Variants in PYGB observed in about 807,000 individuals in gnomAD.
PYGB encodes the protein glycogen phosphorylase B.
Under a neutral mutation model 94.3 loss-of-function variants are expected in PYGB, and 82 were observed. That is an observed-to-expected ratio of 0.87 (90% CI 0.73 to 1.04). The LOEUF is 1.04. PYGB is among the 50% of genes least tolerant of loss of function. The pLI is 0.00. For missense variants in PYGB, 1,132 were observed against 1,158.2 expected (o/e 0.98, Z 0.33); for synonymous variants, 488 against 479.1 (o/e 1.02, Z -0.24).
chr20:25,279,695 A>G (rs1405588018), intron 9 of PYGB, among the ~76,000 whole-genome samples: 1 of 150,942 alleles, frequency 6.6e-6, no homozygotes, highest in Non-Finnish European at 1.5e-5. Context: ...CCCCACCTCT[A>G]AAAAAAAAGC....
rs768862543 is a variant in PYGB at position 25,282,064 on chromosome 20, A to G, written c.1435A>G (p.Lys479Glu). ...FKDFYELEPE[K>E]FQNKTNGITP... ...GGATTTTTATGAACTGGAGCCAGAG[A>G]AGTTCCAGAATAAGACCAATGGCAT... The change falls in exon 12 of 20, where the codon AAG becomes GAG. Residue 479 changes from lysine to glutamate, a missense_variant. Physicochemically the swap from Lys to Glu is moderately conservative, Grantham distance 56. Transcript: ENST00000216962. The G allele has an allele frequency of 1.9e-6, 3 of 1,613,954 alleles. No homozygotes were observed. Among genetic ancestry groups the G allele is most frequent in the East Asian group, 2.2e-5 (1 of 44,860 alleles).
At position 25,296,904 on chromosome 20, in the gene PYGB, G is replaced by A. The variant is rs2088555763; in HGVS notation, c.*382G>A. ...TGAGCCTCTGGATTCTGGGGTCTGG[G>A]CCAGTGGCCATAGTGAAGCCTGGGA... is the stretch of plus-strand genomic sequence containing the variant. On this transcript the variant is annotated 3_prime_UTR_variant, in exon 20 of 20. Coordinates refer to ENST00000216962, the MANE Select transcript of PYGB (RefSeq NM_002862.4). 1.1e-5 allele frequency: 2 copies of A among 187,074 alleles called. No homozygotes were observed. Among genetic ancestry groups the A allele is most frequent in the Non-Finnish European group, 1.1e-5 (1 of 89,648 alleles). The allele number at this position is 187,074 out of a possible 1,614,324, so 11.6% of individuals were successfully genotyped here. A position where few individuals can be genotyped will look rare whatever the true frequency, so the allele number is the denominator to read the frequency against.
intron 16 of PYGB, 103 bp from the exon 17 acceptor site, chr20:25,292,303 G>A (rs1240411153): frequency 1.0e-5 from 14 of 1,385,104 alleles, no homozygotes; most frequent in South Asian, 7.7e-5. Context: ...GTCCCTCCAC[G>A]ACCCAGCCCC....
chr20:25,281,961 A>C, intron 11 of PYGB, 72 bp from the exon 12 acceptor site: 1 of 1,303,626 alleles, frequency 7.7e-7, no homozygotes, highest in Non-Finnish European at 1.1e-6. Context: ...CCTTAAAAGG[A>C]CTTTAAGGTC....
At chr20:25,269,096 A>G in intron 2 of PYGB, 33 bp from the exon 3 acceptor site, 1 of 1,507,206 alleles carries the variant, frequency 6.6e-7, no homozygotes, top group South Asian at 1.1e-5. Flanking sequence ...ATATTGAGTA[A>G]CATTAAAATG....
At position 25,288,494 on chromosome 20, in the gene PYGB, TC is replaced by T. The variant is rs767486466; in HGVS notation, c.1827+13del. On this transcript the variant is annotated intron_variant, in intron 15 of 19. Transcript: ENST00000216962. ...ATGATTGGGGGCAAGGTGAGTGACT[TC>T]CTCTGCAGTCCTCTCTGTGGTGTTT... 6 of 1,613,386 alleles carry T rather than the reference TC, an allele frequency of 3.7e-6. No individual in the cohort carries two copies. The highest frequency in any genetic ancestry group is 5.1e-6 in the Non-Finnish European group (6 of 1,179,536).
intron 2 of PYGB, among the ~76,000 whole-genome samples, chr20:25,265,757 G>C (rs1449886644): frequency 1.3e-5 from 2 of 152,006 alleles, no homozygotes; most frequent in African/African-American, 4.8e-5. Flanking sequence ...ACCACGCCCG[G>C]CTAATTTTTT....
At chr20:25,248,942 T>C (rs1447404120) in intron 1 of PYGB, among the ~76,000 whole-genome samples, 1 of 152,210 alleles carries the variant, frequency 6.6e-6, no homozygotes, top group Non-Finnish European at 1.5e-5. Flanking sequence ...AGATGCCTGC[T>C]TCACGCAGGG....
rs180950420 is a variant in PYGB at position 25,282,640 on chromosome 20, G to A, written c.1518+493G>A. On this transcript the variant is annotated intron_variant, in intron 12 of 19. Coordinates refer to ENST00000216962, the MANE Select transcript of PYGB (RefSeq NM_002862.4). ...GGTCTGAAGAGGGAATGAAGAGAGA[G>A]TGAGCAGTGCTCTGGGGCAAACTGG... Among the ~76,000 whole-genome samples the A allele has an allele frequency of 6.2e-4, 94 of 152,352 alleles. 1 individual carries two copies. In the East Asian group the frequency reaches 0.016, roughly 27 times the overall value.
rs548135299 is a variant in PYGB at position 25,277,509 on chromosome 20, A to G, written c.855+183A>G. ...GGGAGGAGAGGGTGCACTGTCCTCCATAAAGCCCAAGCGGCTCTTCGTGTG... is the reference window on the plus strand; with the variant it reads ...GGGAGGAGAGGGTGCACTGTCCTCCGTAAAGCCCAAGCGGCTCTTCGTGTG... On this transcript the variant is annotated intron_variant, in intron 7 of 19. Transcript: ENST00000216962. 3.9e-5 allele frequency among the ~76,000 whole-genome samples: 6 copies of G among 152,236 alleles called. No individual in the cohort carries two copies. The East Asian group carries it at 1.2e-3, about 30-fold the overall frequency.
chr20:25,268,307 C>T (rs1420500110), intron 2 of PYGB, among the ~76,000 whole-genome samples: 1 of 151,824 alleles, frequency 6.6e-6, no homozygotes, highest in East Asian at 1.9e-4. Flanking sequence ...TTAGTGTATA[C>T]TAAATCATTT....
In PYGB at chr20:25,297,466, C is replaced by G. The variant is rs1316822128; in HGVS notation, c.*944C>G. 1.3e-5 allele frequency: 2 copies of G among 152,444 alleles called. No individual in the cohort carries two copies. The highest frequency in any genetic ancestry group is 4.8e-5 in the African/African-American group (2 of 41,460). The allele number at this position is 152,444 out of a possible 1,614,324, so 9.4% of individuals were successfully genotyped here. The stretch of plus-strand genomic sequence containing the variant: ...TGAGGTGCATTTCCTGTTGTACACA[C>G]AAGGGCCAGGCTCCATTCTCCCTCC... On this transcript the variant is annotated 3_prime_UTR_variant, in exon 20 of 20. Transcript: ENST00000216962.
chr20:25,288,392 G>A, intron 14 of PYGB, 33 bp from the exon 15 acceptor site: 1 of 1,613,878 alleles, frequency 6.2e-7, no homozygotes, highest in South Asian at 1.1e-5. Flanking sequence ...GGCTCGCGGT[G>A]CCTTGTGTGA....
At chr20:25,283,970 C>T (rs2088393499) in intron 13 of PYGB, 134 bp from the exon 14 acceptor site, 1 of 1,049,868 alleles carries the variant, frequency 9.5e-7, no homozygotes, top group Non-Finnish European at 1.4e-6. Flanking sequence ...AATCTCTGCC[C>T]CTCAGCTCCA....
At chr20:25,295,110 T>G in intron 18 of PYGB, 1 of 1,406,688 alleles carries the variant, frequency 7.1e-7, no homozygotes, top group Non-Finnish European at 1.0e-6. Context: ...TGAACAGAAA[T>G]GCATTTGTAG....
At chr20:25,256,437 A>G (rs1333478653) in intron 1 of PYGB, among the ~76,000 whole-genome samples, 2 of 151,852 alleles carry the variant, frequency 1.3e-5, no homozygotes, top group Non-Finnish European at 2.9e-5. Flanking sequence ...TGGAGGTTGC[A>G]GTGAGCCAAG....
In PYGB at chr20:25,280,426, C is replaced by A; in HGVS notation, c.1239+14C>A. 6.2e-7 allele frequency: 1 copy of A among 1,613,546 alleles called. No individual in the cohort carries two copies. Among genetic ancestry groups the A allele is most frequent in the South Asian group, 1.1e-5 (1 of 91,036 alleles). ...CGGCACCTGGACGTGAGTGTGGGCC[C>A]AGCTGGCCGTGTAGGGTGGCGGCTA... is the stretch of plus-strand genomic sequence containing the variant. On this transcript the variant is annotated intron_variant, in intron 10 of 19. Coordinates refer to ENST00000216962, the MANE Select transcript of PYGB (RefSeq NM_002862.4).
At chr20:25,268,167 C>CCCCGCT (rs1555806072) in intron 2 of PYGB, among the ~76,000 whole-genome samples, 1 of 94,922 alleles carries the variant, frequency 1.1e-5, no homozygotes, top group African/African-American at 3.8e-5. Context: ...ACCCGCCCCC[C>CCCCGCT]CCCCATATCC....
chr20:25,251,007 C>T (rs1404630583), intron 1 of PYGB: 1 of 152,130 alleles, frequency 6.6e-6, no homozygotes, highest in Non-Finnish European at 1.5e-5. Context: ...TATACTGAAC[C>T]TATTGTTTCA....
Sources: allele counts gnomAD v4.1 joint callset (sites outside exome capture counted in the v4.1 genomes callset), GRCh38; gene constraint gnomAD v4.1.1; transcripts MANE v1.5; gene names NCBI Gene and HGNC (gene_info 2026-07-23, HGNC 2026-07-21).